The following RBMS1 variants were observed in gnomAD, a reference collection of about 807,000 sequenced individuals.
RBMS1 encodes the protein RNA binding motif single stranded interacting protein 1, also known as RNA-binding motif, single-stranded-interacting protein 1.
A neutral mutation model predicts 62.3 loss-of-function variants in RBMS1; 17 were observed. The observed-to-expected ratio is 0.27, with a 90% CI of 0.19 to 0.41. RBMS1 has a LOEUF of 0.41. Ranked by LOEUF, RBMS1 falls within the 10% of genes least tolerant of loss-of-function variation. The pLI is 1.00. For synonymous variants in RBMS1, 172 were observed against 170.0 expected, an observed-to-expected ratio of 1.01 and a Z score of -0.09; for missense variants, 334 against 504.5, an observed-to-expected ratio of 0.66 and a Z score of 3.24.
In RBMS1 at chr2:160,493,521, G is replaced by GTCCTCCTCCTCCTCCTCCTCT; in HGVS notation, c.-179_-159dup. Reference sequence around the variant, plus strand: ...CTCCACCTCCCAGCCGGGACCAGACGTCCTCCTCCTCCTCCTCCTCTTCCT... The same window carrying GTCCTCCTCCTCCTCCTCCTCT: ...CTCCACCTCCCAGCCGGGACCAGACGTCCTCCTCCTCCTCCTCCTCTTCCTCCTCCTCCTCCTCCTCTTCCT... On this transcript the variant is annotated 5_prime_UTR_variant, in exon 1 of 14. Transcript: ENST00000348849. 5 of 621,538 alleles carry GTCCTCCTCCTCCTCCTCCTCT rather than the reference G, an allele frequency of 8.0e-6. No individual in the cohort carries two copies. The highest frequency in any genetic ancestry group is 3.9e-5 in the African/African-American group (2 of 51,608). The allele number at this position is 621,538 out of a possible 1,614,324, so 38.5% of individuals were successfully genotyped here.
intron 1 of RBMS1, among the ~76,000 whole-genome samples, chr2:160,369,668 T>C (rs1333564673): frequency 2.6e-5 from 4 of 152,170 alleles, no homozygotes; most frequent in Admixed American, 2.0e-4. Flanking sequence ...GGGATGAGAC[T>C]TGGAGAAGTC....
At chr2:160,344,571 T>C (rs1490333025) in intron 2 of RBMS1, among the ~76,000 whole-genome samples, 3 of 152,162 alleles carry the variant, frequency 2.0e-5, no homozygotes, top group African/African-American at 4.8e-5. Flanking sequence ...TCTATAAAGG[T>C]GTAAATTATT....
chr2:160,346,707 C>A (rs1692197645), intron 2 of RBMS1, among the ~76,000 whole-genome samples: 1 of 152,004 alleles, frequency 6.6e-6, no homozygotes, highest in Non-Finnish European at 1.5e-5. Context: ...TTTAAGCCTT[C>A]CTAAAACTTA....
At chr2:160,449,991 C>G (rs913290921) in intron 1 of RBMS1, among the ~76,000 whole-genome samples, 2 of 152,078 alleles carry the variant, frequency 1.3e-5, no homozygotes, top group Non-Finnish European at 2.9e-5. Flanking sequence ...GTATGACTTA[C>G]AAACAAGCCC....
At chr2:160,293,534 C>CT (rs1277113104) in intron 6 of RBMS1, among the ~76,000 whole-genome samples, 2 of 152,220 alleles carry the variant, frequency 1.3e-5, no homozygotes, top group Non-Finnish European at 2.9e-5. Flanking sequence ...CACTGAGAAT[C>CT]TAACAGGCAT....
chr2:160,338,543 AAATCTGGTAT>A (rs1412409106), intron 2 of RBMS1, among the ~76,000 whole-genome samples: 1 of 152,184 alleles, frequency 6.6e-6, no homozygotes, highest in Non-Finnish European at 1.5e-5. Context: ...CTCCCCAACC[AAATCTGGTAT>A]TCCTTATACA....
chr2:160,350,697 G>A (rs180993517), intron 2 of RBMS1, among the ~76,000 whole-genome samples: 14 of 152,232 alleles, frequency 9.2e-5, no homozygotes, highest in African/African-American at 3.1e-4. Context: ...TGAAGCAGAC[G>A]GCTGCATAGT....
chr2:160,411,283 A>G (rs1696023097), intron 1 of RBMS1, among the ~76,000 whole-genome samples: 1 of 152,224 alleles, frequency 6.6e-6, no homozygotes, highest in African/African-American at 2.4e-5. Flanking sequence ...AGGGGCCAGC[A>G]ACTATAAGAG....
intron 6 of RBMS1, among the ~76,000 whole-genome samples, chr2:160,296,987 A>G (rs910729613): frequency 2.0e-5 from 3 of 152,142 alleles, no homozygotes; most frequent in Admixed American, 1.3e-4. Flanking sequence ...TGGCCAGGGT[A>G]GCAGTTAAAG....
intron 1 of RBMS1, among the ~76,000 whole-genome samples, chr2:160,429,147 TATA>T (rs1682778447): frequency 6.6e-6 from 1 of 152,258 alleles, no homozygotes; most frequent in Non-Finnish European, 1.5e-5. Context: ...ATTGTCAAAA[TATA>T]ATAGTTTTTA....
chr2:160,399,110 T>C (rs1172060973), intron 1 of RBMS1, among the ~76,000 whole-genome samples: 1 of 152,214 alleles, frequency 6.6e-6, no homozygotes, highest in South Asian at 2.1e-4. Flanking sequence ...AAATCTTTGC[T>C]GAATCAATGT....
chr2:160,280,614 A>G (rs1028597334), intron 10 of RBMS1, among the ~76,000 whole-genome samples: 2 of 152,178 alleles, frequency 1.3e-5, no homozygotes, highest in Non-Finnish European at 2.9e-5. Context: ...ATTTTGCATC[A>G]GTTACTAGAA....
chr2:160,442,210 A>G (rs1683437295), intron 1 of RBMS1, among the ~76,000 whole-genome samples: 2 of 152,220 alleles, frequency 1.3e-5, no homozygotes, highest in South Asian at 4.1e-4. Flanking sequence ...GTCATGTGCA[A>G]AAAAGCTTTG....
intron 6 of RBMS1, among the ~76,000 whole-genome samples, chr2:160,290,072 G>A (rs11689799): frequency 0.24 from 31,697 of 134,600 alleles, 4,598 homozygotes; most frequent in Admixed American, 0.43. Context: ...GTGTGTGTGA[G>A]CGTGTTACAA....
chr2:160,479,971 AG>A (rs1167060619), intron 1 of RBMS1, among the ~76,000 whole-genome samples: 1 of 152,146 alleles, frequency 6.6e-6, no homozygotes, highest in East Asian at 1.9e-4. Flanking sequence ...TTCAATATAA[AG>A]CATGAAAAAA....
chr2:160,407,031 G>GAC (rs147853303), intron 1 of RBMS1, among the ~76,000 whole-genome samples: 16,094 of 151,474 alleles, frequency 0.11, 1,125 homozygotes, highest in East Asian at 0.25. Context: ...CAGAGACACA[G>GAC]ACACACACAC....
chr2:160,375,024 C>A (rs564724621), intron 1 of RBMS1, among the ~76,000 whole-genome samples: 18 of 152,220 alleles, frequency 1.2e-4, no homozygotes, highest in African/African-American at 4.3e-4. Flanking sequence ...TGAGTATTAT[C>A]CCTGGAAGGC....
intron 1 of RBMS1, among the ~76,000 whole-genome samples, chr2:160,380,475 T>C (rs1433856981): frequency 2.2e-4 from 33 of 152,082 alleles, no homozygotes. Flanking sequence ...CATGGAAACT[T>C]CAGAGCGCCC....
At chr2:160,310,639 A>G (rs1689800387) in intron 4 of RBMS1, among the ~76,000 whole-genome samples, 1 of 152,182 alleles carries the variant, frequency 6.6e-6, no homozygotes, top group Non-Finnish European at 1.5e-5. Flanking sequence ...TCCAAAAGCA[A>G]GGAGCTTCAG....
Sources: gnomAD v4.1 joint callset for allele counts (sites outside exome capture counted in the v4.1 genomes callset) on GRCh38, gnomAD v4.1.1 for gene constraint, MANE v1.5 for transcripts, NCBI Gene and HGNC (gene_info 2026-07-23, HGNC 2026-07-21) for gene names.